CSMD2: variants seen among roughly 807,000 people sequenced by gnomAD.
CSMD2 encodes CUB and sushi domain-containing protein 2.
A neutral mutation model predicts 398.5 loss-of-function variants in CSMD2; 130 were observed. That is an observed-to-expected ratio of 0.33 (90% CI 0.28 to 0.38). The LOEUF (loss-of-function observed/expected upper bound fraction) is 0.38, where lower values mean the gene tolerates loss of function less well. Among genes scored for constraint, CSMD2 ranks in the 10% least tolerant of loss-of-function variants. The pLI, the probability that CSMD2 is intolerant of heterozygous loss-of-function variation, is 1.00. For missense variants in CSMD2, 3,829 were observed against 4,764.9 expected, an observed-to-expected ratio of 0.80 and a Z score of 5.78; for synonymous variants, 1,828 against 1,908.5, an observed-to-expected ratio of 0.96 and a Z score of 1.10.
chr1:33,570,195 T>A (rs1659467771), intron 51 of CSMD2, among the ~76,000 whole-genome samples: 1 of 131,256 alleles, frequency 7.6e-6, no homozygotes, highest in African/African-American at 2.8e-5. Context: ...TGAGACGGAG[T>A]CTTGCACAGT....
At chr1:34,082,210 G>C (rs558369862) in intron 2 of CSMD2, among the ~76,000 whole-genome samples, 1 of 146,768 alleles carries the variant, frequency 6.8e-6, no homozygotes, top group Admixed American at 6.8e-5. Context: ...CCGCCACCCC[G>C]TCTGGGAAGT....
chr1:33,789,643 C>T (rs1653988931), intron 11 of CSMD2, among the ~76,000 whole-genome samples: 1 of 152,220 alleles, frequency 6.6e-6, no homozygotes, highest in Admixed American at 6.5e-5. Context: ...CTCTGCTTCA[C>T]CCAGGGTCTC....
chr1:33,850,318 C>G (rs903920750), intron 5 of CSMD2, among the ~76,000 whole-genome samples: 5 of 152,062 alleles, frequency 3.3e-5, no homozygotes, highest in African/African-American at 1.2e-4. Flanking sequence ...CTGTCTTTGC[C>G]CTTGATGCTC....
chr1:33,641,265 T>C (rs2148931359), intron 29 of CSMD2, among the ~76,000 whole-genome samples: 1 of 152,352 alleles, frequency 6.6e-6, no homozygotes, highest in Admixed American at 6.5e-5. Context: ...CTCCCTGCTG[T>C]ATTCTCAACA....
chr1:33,782,854 T>A (rs1388201088), intron 12 of CSMD2, among the ~76,000 whole-genome samples: 1 of 152,162 alleles, frequency 6.6e-6, no homozygotes, highest in Non-Finnish European at 1.5e-5. Flanking sequence ...TTATACTTTA[T>A]CCTAAAATCA....
At chr1:33,943,001 G>A (rs1398871841) in intron 3 of CSMD2, among the ~76,000 whole-genome samples, 1 of 152,096 alleles carries the variant, frequency 6.6e-6, no homozygotes, top group Non-Finnish European at 1.5e-5. Flanking sequence ...ATTGTCCTCA[G>A]CAATGCTGGA....
At chr1:33,974,416 T>C (rs1191877507) in intron 3 of CSMD2, among the ~76,000 whole-genome samples, 3 of 152,226 alleles carry the variant, frequency 2.0e-5, no homozygotes, top group Non-Finnish European at 4.4e-5. Flanking sequence ...GGCCAAGCAC[T>C]AGGGACACAG....
chr1:33,536,587 C>A (rs567415305), intron 62 of CSMD2, among the ~76,000 whole-genome samples: 2 of 152,322 alleles, frequency 1.3e-5, no homozygotes, highest in East Asian at 3.9e-4. Flanking sequence ...CAAAGCTCAT[C>A]TGAGGTGTGT....
At chr1:33,688,926 G>A (rs1383054062) in intron 25 of CSMD2, among the ~76,000 whole-genome samples, 1 of 152,046 alleles carries the variant, frequency 6.6e-6, no homozygotes, top group Non-Finnish European at 1.5e-5. Flanking sequence ...GGGGCTTTTT[G>A]TGTTTGTCTA....
intron 5 of CSMD2, among the ~76,000 whole-genome samples, chr1:33,900,778 C>G (rs1360267114): frequency 2.8e-5 from 4 of 145,368 alleles, no homozygotes; most frequent in Non-Finnish European, 4.5e-5. Flanking sequence ...AAAACTCCAT[C>G]TCAAAAAAAA....
Position 33,542,880 on chromosome 1 carries a change from G to A in CSMD2, c.9117C>T (p.Asn3039=), listed in dbSNP as rs1191030332. 1 of 1,614,122 alleles carries A rather than the reference G, an allele frequency of 6.2e-7. No homozygotes were observed. Among genetic ancestry groups the A allele is most frequent in the Non-Finnish European group, 8.5e-7 (1 of 1,179,992 alleles). ...CTCGGGCATTACTTGGAGTCCCAGG[G>A]TTCCCACAAGAGATCACTAGGAAGA... ...QPECGVISCG[N]PGTPSNARVV... is the part of the protein sequence containing the mutation. Residue 3039 remains asparagine, a synonymous_variant, in exon 58 of 71, where the codon AAC becomes AAT. Coordinates refer to ENST00000373381, the MANE Select transcript of CSMD2 (RefSeq NM_001281956.2).
Position 33,864,720 on chromosome 1 carries a change from C to T in CSMD2, c.921-17724G>A, listed in dbSNP as rs145091069. 5.7e-4 allele frequency: 912 copies of T among 1,612,432 alleles called. 10 individuals carry two copies. In the East Asian group the frequency reaches 0.012, roughly 21 times the overall value. Reference sequence around the variant, plus strand: ...GAAGTACCGAATGTCAGCTAGAAACCGGTGCAGAGGGAAAAGAGTCAGGCA... The same window carrying T: ...GAAGTACCGAATGTCAGCTAGAAACTGGTGCAGAGGGAAAAGAGTCAGGCA... On this transcript the variant is annotated intron_variant, in intron 5 of 70. Transcript: ENST00000373381.
In CSMD2 at chr1:33,686,749, T is replaced by A. The variant is rs115909010; in HGVS notation, c.4052+6181A>T. 3.9e-3 allele frequency among the ~76,000 whole-genome samples: 589 copies of A among 152,340 alleles called. 2 individuals carry two copies. The highest frequency in any genetic ancestry group is 0.014 in the African/African-American group (563 of 41,590). On this transcript the variant is annotated intron_variant, in intron 25 of 70. Transcript: ENST00000373381. Reference sequence around the variant, plus strand: ...ATGCATCTGCAAGCCTTCTCCTGTCTGTGCCCCTGGAAATAGCCTCATCGG... The same window carrying A: ...ATGCATCTGCAAGCCTTCTCCTGTCAGTGCCCCTGGAAATAGCCTCATCGG...
intron 5 of CSMD2, among the ~76,000 whole-genome samples, chr1:33,878,901 A>C (rs148869779): frequency 9.2e-5 from 14 of 152,312 alleles, no homozygotes; most frequent in African/African-American, 3.4e-4. Context: ...AAGCAAAGAG[A>C]ATATCTATTT....
intron 2 of CSMD2, among the ~76,000 whole-genome samples, chr1:34,066,399 C>T (rs556598315): frequency 1.3e-5 from 2 of 152,304 alleles, no homozygotes; most frequent in East Asian, 3.9e-4. Context: ...AATTTCCTCT[C>T]CCTCAGCGTT....
At chr1:34,090,330 C>T (rs74068043) in intron 1 of CSMD2, among the ~76,000 whole-genome samples, 2,431 of 152,260 alleles carry the variant, frequency 0.016, 35 homozygotes, top group East Asian at 0.052. Context: ...TCCCACAATA[C>T]CATACTCCTT....
intron 19 of CSMD2, among the ~76,000 whole-genome samples, chr1:33,720,650 G>T (rs1437384846): frequency 2.0e-5 from 3 of 152,198 alleles, no homozygotes; most frequent in Admixed American, 6.5e-5. Context: ...TCAGAATGAG[G>T]CTGAGACAGG....
At chr1:33,557,617 G>GACACACAC (rs10579079) in intron 55 of CSMD2, 117 bp downstream of exon 55, 6,799 of 660,280 alleles carry the variant, frequency 0.01, 20 homozygotes, top group East Asian at 0.021. Context: ...TACATGTGCA[G>GACACACAC]ACACACACAC....
intron 3 of CSMD2, among the ~76,000 whole-genome samples, chr1:33,995,643 TCCCCACTTCTGAAC>T (rs1016922661): frequency 2.6e-5 from 4 of 152,110 alleles, no homozygotes; most frequent in African/African-American, 9.7e-5. Flanking sequence ...ATCTCACCAG[TCCCCACTTCTGAAC>T]CACCCCCTCA....
Sources: gnomAD v4.1 joint callset for allele counts (sites outside exome capture counted in the v4.1 genomes callset) on GRCh38, gnomAD v4.1.1 for gene constraint, MANE v1.5 for transcripts, NCBI Gene and HGNC (gene_info 2026-07-23, HGNC 2026-07-21) for gene names.